NUBPL: variants seen among roughly 807,000 people sequenced by gnomAD.
The protein encoded by NUBPL is NUBP iron-sulfur cluster assembly factor, mitochondrial, also known as iron-sulfur cluster transfer protein NUBPL.
A neutral mutation model predicts 45.7 loss-of-function variants in NUBPL; 31 were observed. That is an observed-to-expected ratio of 0.68 (90% CI 0.51 to 0.92). The LOEUF is 0.92. NUBPL is among the 40% of genes least tolerant of loss of function. The pLI, the probability that NUBPL is intolerant of heterozygous loss-of-function variation, is 0.00. For synonymous variants in NUBPL, 144 were observed against 140.9 expected (o/e 1.02, Z -0.15); for missense variants, 401 against 398.7 (o/e 1.01, Z -0.05).
At chr14:31,809,234 A>G (rs1169672808) in intron 7 of NUBPL, among the ~76,000 whole-genome samples, 1 of 152,148 alleles carries the variant, frequency 6.6e-6, no homozygotes, top group African/African-American at 2.4e-5. Flanking sequence ...TCGGCTGTGA[A>G]TCTGTCTGGT....
chr14:31,702,453 C>T (rs907712346), intron 6 of NUBPL, among the ~76,000 whole-genome samples: 1 of 152,126 alleles, frequency 6.6e-6, no homozygotes, highest in Non-Finnish European at 1.5e-5. Flanking sequence ...TGAGCAGAGA[C>T]CTTAGAGATT....
intron 4 of NUBPL, among the ~76,000 whole-genome samples, chr14:31,625,126 T>G (rs147583553): frequency 9.2e-5 from 14 of 152,124 alleles, no homozygotes; most frequent in Non-Finnish European, 1.8e-4. Context: ...AGAAAGGGTA[T>G]GAAGAGGTGA....
chr14:31,666,871 A>G (rs2036442983), intron 4 of NUBPL, among the ~76,000 whole-genome samples: 1 of 152,102 alleles, frequency 6.6e-6, no homozygotes, highest in South Asian at 2.1e-4. Flanking sequence ...AGAATGTTGA[A>G]TGTTGGCCCC....
chr14:31,582,904 T>C (rs557287072), intron 3 of NUBPL, among the ~76,000 whole-genome samples: 1 of 152,250 alleles, frequency 6.6e-6, no homozygotes, highest in African/African-American at 2.4e-5. Flanking sequence ...CCAAATGTCA[T>C]TTTTAAAGGA....
At chr14:31,625,851 A>G (rs1023051029) in intron 4 of NUBPL, among the ~76,000 whole-genome samples, 16 of 152,330 alleles carry the variant, frequency 1.1e-4, no homozygotes, top group Admixed American at 1.0e-3. Flanking sequence ...AGTAAATAGT[A>G]GGGAATGAAC....
At chr14:31,674,999 T>C (rs2036659253) in intron 6 of NUBPL, among the ~76,000 whole-genome samples, 1 of 151,930 alleles carries the variant, frequency 6.6e-6, no homozygotes, top group Non-Finnish European at 1.5e-5. Context: ...TAGCCCTGCT[T>C]GGTGGCGGGT....
chr14:31,704,317 A>G (rs2037400252), intron 6 of NUBPL, among the ~76,000 whole-genome samples: 2 of 152,138 alleles, frequency 1.3e-5, no homozygotes, highest in African/African-American at 2.4e-5. Flanking sequence ...AGAGAACAGT[A>G]TCTCTCACTG....
At chr14:31,721,625 T>TA (rs1206831494) in intron 6 of NUBPL, among the ~76,000 whole-genome samples, 2 of 152,116 alleles carry the variant, frequency 1.3e-5, no homozygotes, top group African/African-American at 4.8e-5. Context: ...TTTTTTTTTT[T>TA]AAACTTTTAT....
chr14:31,665,742 A>T (rs745905148), intron 4 of NUBPL, among the ~76,000 whole-genome samples: 11 of 152,150 alleles, frequency 7.2e-5, no homozygotes, highest in Non-Finnish European at 1.5e-4. Context: ...GATGTCTATT[A>T]GGTCTGTTTG....
rs766711384 is a variant in NUBPL at position 31,565,949 on chromosome 14, T to TA, written c.291+909dup. Among the ~76,000 whole-genome samples the TA allele has an allele frequency of 9.9e-5, 15 of 152,020 alleles. No homozygotes were observed. The East Asian group carries it at 2.1e-3, about 21-fold the overall frequency. ...TGTTGGATGTTATCTTTTTAGATAT[T>TA]AAAAAAAATAACATTCAACTTATTT... On this transcript the variant is annotated intron_variant, in intron 3 of 10. Transcript: ENST00000281081.
At chr14:31,670,422 T>G (rs1302250400) in intron 4 of NUBPL, among the ~76,000 whole-genome samples, 7 of 152,214 alleles carry the variant, frequency 4.6e-5, no homozygotes, top group Non-Finnish European at 1.0e-4. Context: ...TTTTATAGGT[T>G]GTCTGTTTAC....
chr14:31,848,591 T>G (rs1301930252), intron 9 of NUBPL, among the ~76,000 whole-genome samples: 1 of 152,234 alleles, frequency 6.6e-6, no homozygotes, highest in Non-Finnish European at 1.5e-5. Context: ...AAATGTTTCC[T>G]CATTTCTTTC....
chr14:31,750,992 G>C (rs560976314), intron 6 of NUBPL, among the ~76,000 whole-genome samples: 1 of 152,154 alleles, frequency 6.6e-6, no homozygotes, highest in African/African-American at 2.4e-5. Flanking sequence ...GAGAGAGAGA[G>C]AGTGAAGAGG....
chr14:31,660,568 T>C (rs1318184000), intron 4 of NUBPL, among the ~76,000 whole-genome samples: 1 of 152,176 alleles, frequency 6.6e-6, no homozygotes, highest in African/African-American at 2.4e-5. Flanking sequence ...ACTTTAAAAA[T>C]AAATATTTTT....
At chr14:31,676,460 T>A (rs973829701) in intron 6 of NUBPL, among the ~76,000 whole-genome samples, 6 of 152,124 alleles carry the variant, frequency 3.9e-5, no homozygotes, top group Non-Finnish European at 8.8e-5. Flanking sequence ...AAAATGTTTT[T>A]TTTTTCTGTT....
At chr14:31,830,768 G>A (rs900403687) in intron 8 of NUBPL, among the ~76,000 whole-genome samples, 1 of 152,142 alleles carries the variant, frequency 6.6e-6, no homozygotes, top group Non-Finnish European at 1.5e-5. Context: ...AGGATACTTT[G>A]ATCTGGGATG....
intron 6 of NUBPL, among the ~76,000 whole-genome samples, chr14:31,686,384 G>A (rs1191111665): frequency 6.6e-6 from 1 of 152,210 alleles, no homozygotes; most frequent in Non-Finnish European, 1.5e-5. Flanking sequence ...TGAGGAAGAA[G>A]CAATTCAGTA....
intron 4 of NUBPL, among the ~76,000 whole-genome samples, chr14:31,605,263 T>G (rs2034553496): frequency 6.6e-6 from 1 of 152,210 alleles, no homozygotes. Flanking sequence ...CACATCTCTC[T>G]CTTAGTAGAT....
At chr14:31,607,231 A>C (rs2034626141) in intron 4 of NUBPL, among the ~76,000 whole-genome samples, 1 of 151,938 alleles carries the variant, frequency 6.6e-6, no homozygotes, top group Non-Finnish European at 1.5e-5. Context: ...AATACAAAAA[A>C]ATTTGGCTGG....
Sources: gnomAD v4.1 joint callset for allele counts (sites outside exome capture counted in the v4.1 genomes callset) on GRCh38, gnomAD v4.1.1 for gene constraint, MANE v1.5 for transcripts, NCBI Gene and HGNC (gene_info 2026-07-23, HGNC 2026-07-21) for gene names.